Variants in CEP135 observed in about 807,000 individuals in gnomAD.
CEP135 encodes the protein centrosomal protein of 135 kDa.
CEP135 carries 142 observed loss-of-function variants against 157.3 expected under a neutral mutation model. That is an observed-to-expected ratio of 0.90 (90% CI 0.79 to 1.04). The LOEUF (loss-of-function observed/expected upper bound fraction) is 1.04. Among genes scored for constraint, CEP135 ranks in the 50% least tolerant of loss-of-function variants. The pLI is 0.00. For missense variants in CEP135, 1,317 were observed against 1,309.2 expected, an observed-to-expected ratio of 1.01 and a Z score of -0.09; for synonymous variants, 396 against 439.8, an observed-to-expected ratio of 0.90 and a Z score of 1.25.
intron 10 of CEP135, 60 bp downstream of exon 10, chr4:55,971,468 T>A: frequency 6.8e-7 from 1 of 1,465,702 alleles, no homozygotes; most frequent in Non-Finnish European, 9.2e-7. Flanking sequence ...ATGTATTGTT[T>A]TTCTTAGTAG....
intron 24 of CEP135, among the ~76,000 whole-genome samples, chr4:56,023,762 T>C (rs1399165451): frequency 2.8e-5 from 4 of 141,926 alleles, no homozygotes; most frequent in African/African-American, 7.7e-5. Context: ...TATAGTATAT[T>C]ATATATAGTA....
At position 55,971,089 on chromosome 4, in the gene CEP135, GTTTTCAGCCACAAA is replaced by G. The variant is rs374123087; in HGVS notation, c.1111-179_1111-166del. On this transcript the variant is annotated intron_variant, in intron 9 of 25. Coordinates refer to ENST00000257287, the MANE Select transcript of CEP135 (RefSeq NM_025009.5). ...TCAAAGAAGCATTGTTGATATTTGT[GTTTTCAGCCACAAA>G]TGATAATTAAGTTTAATTGAAACCT... Among the ~76,000 whole-genome samples the G allele has an allele frequency of 9.3e-4, 142 of 152,234 alleles. 3 individuals are homozygous for G. The highest frequency in any genetic ancestry group is 3.3e-3 in the African/African-American group (138 of 41,532).
intron 15 of CEP135, among the ~76,000 whole-genome samples, chr4:55,992,315 T>C (rs1729825230): frequency 6.6e-6 from 1 of 152,216 alleles, no homozygotes; most frequent in African/African-American, 2.4e-5. Context: ...CTGTGTTTTT[T>C]AAAAGAAATT....
intron 17 of CEP135, among the ~76,000 whole-genome samples, chr4:56,008,080 A>G (rs1022600025): frequency 6.6e-6 from 1 of 152,136 alleles, no homozygotes; most frequent in Admixed American, 6.6e-5. Flanking sequence ...GATTTTGTCT[A>G]TTTCTAGAAT....
rs762629894 is a variant in CEP135 at position 55,953,288 on chromosome 4, T to A, written c.304+13T>A. The A allele has an allele frequency of 1.0e-5, 15 of 1,474,894 alleles. No homozygotes were observed. The highest frequency in any genetic ancestry group is 1.2e-5 in the Non-Finnish European group (13 of 1,109,344). The allele number at this position is 1,474,894 out of a possible 1,614,324, so 91.4% of individuals were successfully genotyped here. A position where few individuals can be genotyped will look rare whatever the true frequency, so the allele number is the denominator to read the frequency against. On this transcript the variant is annotated intron_variant, in intron 3 of 25. Transcript: ENST00000257287. ...CAACACGTTAAAGGTAAGTGAAAAT[T>A]TGATAATTTTTAAAATGCAATGTCT... is the stretch of plus-strand genomic sequence containing the variant.
chr4:56,026,795 T>A (rs1731172632), intron 25 of CEP135, among the ~76,000 whole-genome samples: 1 of 152,208 alleles, frequency 6.6e-6, no homozygotes, highest in African/African-American at 2.4e-5. Context: ...GAGATGGGAA[T>A]GAGTGGGAAA....
Position 55,957,212 on chromosome 4 carries a change from A to G in CEP135, c.473-11A>G. 2 of 1,609,942 alleles carry G rather than the reference A, an allele frequency of 1.2e-6. No individual in the cohort carries two copies. Among genetic ancestry groups the G allele is most frequent in the Non-Finnish European group, 1.7e-6 (2 of 1,178,968 alleles). ...TTCTTCTTAGTTTTTTAAGACACTC[A>G]TTCTTTTTAGGTGGCAAGAAAAGAA... On this transcript the variant is annotated splice_polypyrimidine_tract_variant and intron_variant, in intron 4 of 25. Transcript: ENST00000257287.
At chr4:55,993,765 C>G (rs1173083611) in intron 15 of CEP135, among the ~76,000 whole-genome samples, 1 of 152,176 alleles carries the variant, frequency 6.6e-6, no homozygotes, top group African/African-American at 2.4e-5. Context: ...GAAGGCAGAG[C>G]TCTCAGTGCC....
chr4:56,011,695 C>T, intron 20 of CEP135, 105 bp from the exon 21 acceptor site: 2 of 1,055,334 alleles, frequency 1.9e-6, no homozygotes, highest in Middle Eastern at 2.4e-4. Context: ...TCTAATGCTT[C>T]CTAAATTAGA....
At chr4:55,959,479 C>T (rs1282355780) in intron 5 of CEP135, among the ~76,000 whole-genome samples, 1 of 107,934 alleles carries the variant, frequency 9.3e-6, no homozygotes, top group Non-Finnish European at 1.9e-5. Context: ...TTATTTACTA[C>T]TCAGTTTTAA....
intron 13 of CEP135, among the ~76,000 whole-genome samples, chr4:55,983,932 T>C (rs1052754612): frequency 2.0e-5 from 3 of 152,236 alleles, no homozygotes; most frequent in African/African-American, 7.2e-5. Context: ...ATCTGGCTTC[T>C]GAGCTCACAT....
At chr4:55,981,656 C>T (rs1189145186) in intron 13 of CEP135, among the ~76,000 whole-genome samples, 2 of 152,108 alleles carry the variant, frequency 1.3e-5, no homozygotes, top group Non-Finnish European at 2.9e-5. Context: ...GTTTGCCAAT[C>T]CCTGAACTTA....
intron 25 of CEP135, among the ~76,000 whole-genome samples, chr4:56,030,030 T>G (rs1731289627): frequency 1.3e-5 from 2 of 152,224 alleles, no homozygotes; most frequent in African/African-American, 4.8e-5. Context: ...TTATAAACTT[T>G]TGTTTTACTT....
intron 11 of CEP135, among the ~76,000 whole-genome samples, chr4:55,978,706 A>G (rs768742775): frequency 6.6e-6 from 1 of 152,118 alleles, no homozygotes; most frequent in Non-Finnish European, 1.5e-5. Flanking sequence ...GTGCACCACT[A>G]TGCCTGGCTA....
At chr4:55,962,044 A>T (rs991691203) in intron 6 of CEP135, among the ~76,000 whole-genome samples, 3 of 152,166 alleles carry the variant, frequency 2.0e-5, no homozygotes, top group African/African-American at 7.2e-5. Context: ...TTTAATCTTC[A>T]TAACAATCCT....
intron 11 of CEP135, among the ~76,000 whole-genome samples, chr4:55,978,379 A>AT (rs1729294136): frequency 6.6e-6 from 1 of 152,246 alleles, no homozygotes; most frequent in Non-Finnish European, 1.5e-5. Flanking sequence ...TATTCAAAAT[A>AT]CTATAAGAGT....
At chr4:56,024,375 A>G (rs966351968) in intron 24 of CEP135, 126 bp from the exon 25 acceptor site, 31 of 594,842 alleles carry the variant, frequency 5.2e-5, no homozygotes, top group Non-Finnish European at 6.8e-5. Context: ...AAGACATAGG[A>G]TTTAAATTTA....
intron 15 of CEP135, among the ~76,000 whole-genome samples, chr4:55,994,002 ACTTAT>A (rs555521337): frequency 1.5e-4 from 23 of 152,188 alleles, no homozygotes; most frequent in Non-Finnish European, 3.2e-4. Flanking sequence ...GAAAAATATG[ACTTAT>A]CTTGTCTCTT....
intron 15 of CEP135, among the ~76,000 whole-genome samples, chr4:55,995,696 C>T (rs896136473): frequency 2.6e-5 from 4 of 152,084 alleles, no homozygotes; most frequent in Admixed American, 2.0e-4. Context: ...CATGTAAAAA[C>T]CATTTACACC....
Sources: gnomAD v4.1 joint callset for allele counts (sites outside exome capture counted in the v4.1 genomes callset) on GRCh38, gnomAD v4.1.1 for gene constraint, MANE v1.5 for transcripts, NCBI Gene and HGNC (gene_info 2026-07-23, HGNC 2026-07-21) for gene names.